The following SLC25A21 variants were observed in gnomAD, a reference collection of about 807,000 sequenced individuals.
SLC25A21 encodes the protein mitochondrial 2-oxodicarboxylate carrier.
A neutral mutation model predicts 43.8 loss-of-function variants in SLC25A21; 47 were observed. The observed-to-expected ratio is 1.07, with a 90% CI of 0.85 to 1.37. SLC25A21 has a LOEUF of 1.37. SLC25A21 is among the 40% of genes most tolerant of loss of function. The pLI, the probability that SLC25A21 is intolerant of heterozygous loss-of-function variation, is 0.00. For missense variants in SLC25A21, 352 were observed against 350.2 expected, an observed-to-expected ratio of 1.00 and a Z score of -0.04; for synonymous variants, 131 against 121.3, an observed-to-expected ratio of 1.08 and a Z score of -0.52.
chr14:36,920,254 T>A (rs1457034464), intron 1 of SLC25A21, among the ~76,000 whole-genome samples: 1 of 152,064 alleles, frequency 6.6e-6, no homozygotes, highest in Non-Finnish European at 1.5e-5. Context: ...CTTGGCTTAG[T>A]TTACACTTTA....
chr14:37,055,113 G>C (rs1288061091), intron 1 of SLC25A21, among the ~76,000 whole-genome samples: 1 of 152,192 alleles, frequency 6.6e-6, no homozygotes, highest in African/African-American at 2.4e-5. Flanking sequence ...TTGTATGTTA[G>C]GTGTATAGGG....
At chr14:36,918,168 C>T (rs1201342501) in intron 1 of SLC25A21, among the ~76,000 whole-genome samples, 1 of 152,112 alleles carries the variant, frequency 6.6e-6, no homozygotes, top group African/African-American at 2.4e-5. Flanking sequence ...CTTTCTTATA[C>T]CACAAGATTT....
chr14:36,773,940 CAT>C lies in SLC25A21; in HGVS notation c.204-39369_204-39368del, dbSNP rs1301825050. On this transcript the variant is annotated intron_variant, in intron 3 of 9. Transcript: ENST00000331299. ...ACGGATGCTTTTTGTAATGAATACACATGAGTTATGTTTCATGTCCATCTGAT... is the reference window on the plus strand; with the variant it reads ...ACGGATGCTTTTTGTAATGAATACACGAGTTATGTTTCATGTCCATCTGAT... Among the ~76,000 whole-genome samples, 14 of 152,302 alleles carry C rather than the reference CAT, an allele frequency of 9.2e-5. No homozygotes were observed. The South Asian group carries it at 1.2e-3, about 14-fold the overall frequency.
intron 1 of SLC25A21, among the ~76,000 whole-genome samples, chr14:37,056,453 T>G (rs1961830617): frequency 6.8e-6 from 1 of 148,040 alleles, no homozygotes; most frequent in Admixed American, 6.8e-5. Flanking sequence ...ATCGCGCCAC[T>G]GCACTCCAGC....
chr14:36,986,580 T>A, intron 1 of SLC25A21, among the ~76,000 whole-genome samples: 1 of 152,110 alleles, frequency 6.6e-6, no homozygotes, highest in East Asian at 1.9e-4. Context: ...CCATGTTAGC[T>A]CCTCCTACAG....
At chr14:36,807,840 T>C (rs1268353538) in intron 3 of SLC25A21, among the ~76,000 whole-genome samples, 1 of 152,068 alleles carries the variant, frequency 6.6e-6, no homozygotes, top group African/African-American at 2.4e-5. Flanking sequence ...AGGGAGTGAG[T>C]ATACCTCCTG....
chr14:36,991,115 A>T (rs925066177), intron 1 of SLC25A21, among the ~76,000 whole-genome samples: 3 of 152,182 alleles, frequency 2.0e-5, no homozygotes, highest in African/African-American at 7.2e-5. Flanking sequence ...AGTCCAGTGG[A>T]GCATTTTTAG....
At chr14:36,965,306 T>C (rs945276163) in intron 1 of SLC25A21, among the ~76,000 whole-genome samples, 1 of 152,162 alleles carries the variant, frequency 6.6e-6, no homozygotes, top group Non-Finnish European at 1.5e-5. Flanking sequence ...AGTACATCAA[T>C]CTTTCACACT....
chr14:37,172,051 G>A, intron 1 of SLC25A21: 1 of 545,896 alleles, frequency 1.8e-6, no homozygotes, highest in Non-Finnish European at 3.2e-6. Context: ...GAACCCGAGA[G>A]CGGCCGGCGC....
At chr14:37,168,026 T>C (rs1290451602) in intron 1 of SLC25A21, among the ~76,000 whole-genome samples, 2 of 152,098 alleles carry the variant, frequency 1.3e-5, no homozygotes, top group African/African-American at 2.4e-5. Flanking sequence ...ATCCGCTCGG[T>C]CTAGGCAGCA....
At chr14:36,982,572 T>C (rs1960052967) in intron 1 of SLC25A21, among the ~76,000 whole-genome samples, 1 of 152,138 alleles carries the variant, frequency 6.6e-6, no homozygotes, top group South Asian at 2.1e-4. Flanking sequence ...CACACCACTT[T>C]GGGAGGCCAA....
chr14:37,112,167 G>T (rs1963031152), intron 1 of SLC25A21, among the ~76,000 whole-genome samples: 1 of 151,702 alleles, frequency 6.6e-6, no homozygotes, highest in Admixed American at 6.6e-5. Context: ...TTCTAGAAAG[G>T]ATTAAAGGTG....
rs1555344633 is a variant in SLC25A21 at position 37,060,423 on chromosome 14, A to AATAATAATG, written c.70+111857_70+111858insCATTATTAT. On this transcript the variant is annotated intron_variant, in intron 1 of 9. Coordinates refer to ENST00000331299, the MANE Select transcript of SLC25A21 (RefSeq NM_030631.4). ...TAATAATAATAATAATAATAATAATAATGATGTAACCCAAGAGAAGTAGGG... is the reference window on the plus strand; with the variant it reads ...TAATAATAATAATAATAATAATAATAATAATAATGATGATGTAACCCAAGAGAAGTAGGG... Among the ~76,000 whole-genome samples the AATAATAATG allele has an allele frequency of 4.0e-3, 551 of 136,288 alleles. 4 individuals are homozygous for AATAATAATG. Among genetic ancestry groups the AATAATAATG allele is most frequent in the Middle Eastern group, 0.025 (6 of 244 alleles). 89.4% of individuals were successfully genotyped at this position (136,288 alleles called of 152,430 possible). A position where few individuals can be genotyped will look rare whatever the true frequency, so the allele number is the denominator to read the frequency against.
At chr14:36,807,874 GA>G (rs1451702214) in intron 3 of SLC25A21, among the ~76,000 whole-genome samples, 3 of 152,166 alleles carry the variant, frequency 2.0e-5, no homozygotes, top group African/African-American at 7.2e-5. Flanking sequence ...TGTGCCGTCT[GA>G]AAGGCACTTA....
At chr14:36,864,081 C>T (rs1283257176) in intron 2 of SLC25A21, among the ~76,000 whole-genome samples, 4 of 152,162 alleles carry the variant, frequency 2.6e-5, no homozygotes, top group Non-Finnish European at 5.9e-5. Flanking sequence ...TCCAGAGGGT[C>T]CCATACATCT....
intron 1 of SLC25A21, among the ~76,000 whole-genome samples, chr14:36,920,047 C>T (rs1410991810): frequency 2.0e-5 from 3 of 152,028 alleles, no homozygotes; most frequent in African/African-American, 4.8e-5. Flanking sequence ...AACACAAATA[C>T]AAAATGTAGC....
rs970907995 is a variant in SLC25A21, at chr14:37,172,264, G to C, written c.70+17C>G. ...AAAGCGACTAGCCTCCGGCGGGGCA[G>C]GGCGGGCTGTCCTTACCTGCAGAAC... On this transcript the variant is annotated intron_variant, in intron 1 of 9. Coordinates refer to ENST00000331299, the MANE Select transcript of SLC25A21 (RefSeq NM_030631.4). 1.9e-6 allele frequency: 3 copies of C among 1,580,700 alleles called. No individual in the cohort carries two copies. Among genetic ancestry groups the C allele is most frequent in the Non-Finnish European group, 2.6e-6 (3 of 1,163,086 alleles).
At chr14:36,772,254 T>G (rs1197648945) in intron 3 of SLC25A21, among the ~76,000 whole-genome samples, 7 of 152,176 alleles carry the variant, frequency 4.6e-5, no homozygotes, top group Non-Finnish European at 1.5e-5. Flanking sequence ...GGGAAAATTT[T>G]AAATTTAAAA....
At chr14:36,779,651 T>TA (rs1359463218) in intron 3 of SLC25A21, among the ~76,000 whole-genome samples, 1 of 141,918 alleles carries the variant, frequency 7.0e-6, no homozygotes, top group Non-Finnish European at 1.5e-5. Context: ...TATGTATACA[T>TA]ACACACATAC....
Sources: allele counts gnomAD v4.1 joint callset (sites outside exome capture counted in the v4.1 genomes callset), GRCh38; gene constraint gnomAD v4.1.1; transcripts MANE v1.5; gene names NCBI Gene and HGNC (gene_info 2026-07-23, HGNC 2026-07-21).